NEDD4L: variants seen among roughly 807,000 people sequenced by gnomAD.
The protein encoded by NEDD4L is NEDD4 like E3 ubiquitin protein ligase, also known as E3 ubiquitin-protein ligase NEDD4-like.
NEDD4L carries 54 observed loss-of-function variants against 148.9 expected under a neutral mutation model. The ratio of observed to expected loss-of-function variants is 0.36; its 90% CI spans 0.29 to 0.45. The LOEUF (loss-of-function observed/expected upper bound fraction) is 0.45, where lower values mean the gene tolerates loss of function less well. Ranked by LOEUF, NEDD4L falls within the 20% of genes least tolerant of loss-of-function variation. NEDD4L has a pLI of 1.00. For missense variants in NEDD4L, 856 were observed against 1,233.8 expected (o/e 0.69, Z 4.59); for synonymous variants, 433 against 440.7 (o/e 0.98, Z 0.22).
Position 58,144,293 on chromosome 18 carries a change from C to A in NEDD4L, c.49-21495C>A, listed in dbSNP as rs539432228. 7.9e-5 allele frequency among the ~76,000 whole-genome samples: 12 copies of A among 152,158 alleles called. No homozygotes were observed. In the South Asian group the frequency reaches 2.5e-3, roughly 32 times the overall value. ...ATCTGCTCGGCTACTGGGGAGGCCT[C>A]AGGAAGCTTCTAATCATGGTGGAAG... On this transcript the variant is annotated intron_variant, in intron 1 of 30. Transcript: ENST00000400345.
chr18:58,159,561 T>C (rs952485203), intron 1 of NEDD4L, among the ~76,000 whole-genome samples: 2 of 152,122 alleles, frequency 1.3e-5, no homozygotes, highest in African/African-American at 4.8e-5. Context: ...AAGAGTAGTC[T>C]TAAAAATGCA....
At chr18:58,377,075 C>G (rs1459687082) in intron 24 of NEDD4L, among the ~76,000 whole-genome samples, 3 of 152,202 alleles carry the variant, frequency 2.0e-5, no homozygotes, top group Non-Finnish European at 2.9e-5. Flanking sequence ...GCCTGTCTCT[C>G]CTGCTCAGCT....
Position 58,122,495 on chromosome 18 carries a change from C to CTAAAATAAAA in NEDD4L, c.49-43275_49-43266dup, listed in dbSNP as rs544222112. Among the ~76,000 whole-genome samples the CTAAAATAAAA allele has an allele frequency of 3.5e-3, 539 of 151,860 alleles. 2 individuals carry two copies. Among genetic ancestry groups the CTAAAATAAAA allele is most frequent in the Admixed American group, 7.2e-3 (109 of 15,238 alleles). ...CTGGGCAACAAGAGCAAAATTCTGTCTAAAATAAAATAAAATAAAATAAAA... is the reference window on the plus strand; with the variant it reads ...CTGGGCAACAAGAGCAAAATTCTGTCTAAAATAAAATAAAATAAAATAAAATAAAATAAAA... On this transcript the variant is annotated intron_variant, in intron 1 of 30. Transcript: ENST00000400345.
Position 58,366,043 on chromosome 18 carries a change from C to T in NEDD4L, c.1878C>T (p.Asn626=). ...TTGAAATGAAACTTCACAGAAATAA[C>T]ATATTTGAAGAGTCCTATCGGAGAA... The part of the protein sequence containing the change: ...NRFEMKLHRN[N]IFEESYRRIM... Residue 626 remains asparagine (N), a synonymous_variant, in exon 21 of 31, where the codon AAC becomes AAT. Coordinates refer to ENST00000400345, the MANE Select transcript of NEDD4L (RefSeq NM_001144967.3). This position sits in a 1 kb window ranked among gnomAD's most constrained non-coding sequence, Gnocchi z 4.2. The T allele has an allele frequency of 6.2e-7, 1 of 1,612,640 alleles. No homozygotes were observed. Among genetic ancestry groups the T allele is most frequent in the Non-Finnish European group, 8.5e-7 (1 of 1,179,274 alleles).
intron 2 of NEDD4L, among the ~76,000 whole-genome samples, chr18:58,175,981 G>A (rs1271742487): frequency 6.6e-6 from 1 of 152,178 alleles, no homozygotes; most frequent in Non-Finnish European, 1.5e-5. Flanking sequence ...TCCATCCTGC[G>A]GGAGGCTTGC....
chr18:58,345,083 G>A (rs1328367105), intron 16 of NEDD4L, among the ~76,000 whole-genome samples: 5 of 152,076 alleles, frequency 3.3e-5, no homozygotes, highest in Non-Finnish European at 4.4e-5. Flanking sequence ...TTCCAGTTGC[G>A]CCTGTTTACC....
At chr18:58,211,763 A>G (rs999489422) in intron 2 of NEDD4L, among the ~76,000 whole-genome samples, 5 of 152,232 alleles carry the variant, frequency 3.3e-5, no homozygotes, top group African/African-American at 9.6e-5. Context: ...TTCGTGATCA[A>G]AGCAATGTGG....
At chr18:58,104,127 A>G (rs1317413836) in intron 1 of NEDD4L, among the ~76,000 whole-genome samples, 6 of 152,226 alleles carry the variant, frequency 3.9e-5, no homozygotes, top group Non-Finnish European at 5.9e-5. Flanking sequence ...TGGAATATTG[A>G]TTTAAAAAGG....
intron 1 of NEDD4L, among the ~76,000 whole-genome samples, chr18:58,048,602 C>T (rs1420399277): frequency 6.6e-6 from 1 of 152,216 alleles, no homozygotes; most frequent in African/African-American, 2.4e-5. Flanking sequence ...AAAGGTCTTA[C>T]TATCTAGATT....
intron 4 of NEDD4L, among the ~76,000 whole-genome samples, chr18:58,249,824 C>T (rs1034955468): frequency 1.3e-5 from 2 of 152,208 alleles, no homozygotes; most frequent in Non-Finnish European, 2.9e-5. Flanking sequence ...ATCTGCTTTC[C>T]ATTATGCTCA....
chr18:58,270,709 T>G (rs971798638), intron 5 of NEDD4L, among the ~76,000 whole-genome samples: 4 of 152,158 alleles, frequency 2.6e-5, no homozygotes, highest in Non-Finnish European at 5.9e-5. Context: ...TGCTGCTTAT[T>G]GTTTCTTTCT....
intron 1 of NEDD4L, among the ~76,000 whole-genome samples, chr18:58,062,853 T>G (rs2082393600): frequency 6.6e-6 from 1 of 152,064 alleles, no homozygotes; most frequent in South Asian, 2.1e-4. Flanking sequence ...CCGGGCCTTG[T>G]GACAGGCGCC....
At chr18:58,387,078 C>T (rs980350763) in intron 26 of NEDD4L, among the ~76,000 whole-genome samples, 1 of 152,176 alleles carries the variant, frequency 6.6e-6, no homozygotes, top group Non-Finnish European at 1.5e-5. Context: ...GCCTCCAGCA[C>T]GTTATTTTTA....
intron 5 of NEDD4L, among the ~76,000 whole-genome samples, chr18:58,297,105 A>C (rs945537202): frequency 4.6e-5 from 7 of 152,104 alleles, no homozygotes; most frequent in African/African-American, 1.7e-4. Context: ...TAAATAAATA[A>C]AAATAAACAA....
At chr18:58,341,401 A>G (rs1023285316) in intron 14 of NEDD4L, among the ~76,000 whole-genome samples, 1 of 152,230 alleles carries the variant, frequency 6.6e-6, no homozygotes, top group Admixed American at 6.5e-5. Flanking sequence ...AGATATTTTC[A>G]AAGTAAGAGC....
In NEDD4L at chr18:58,343,052, G is replaced by A. The variant is rs757234404; in HGVS notation, c.1524G>A (p.Ala508=). The change falls in exon 16 of 31, where the codon GCG becomes GCA. Residue 508 remains alanine (A), a synonymous_variant. Coordinates refer to ENST00000400345, the MANE Select transcript of NEDD4L (RefSeq NM_001144967.3). ...CACCCGGCTGGGAAATGAGGATAGC[G>A]CCAAACGGCCGGCCCTTCTTCATTG... ...FLPPGWEMRI[A]PNGRPFFIDH... is the part of the protein sequence containing the mutation. 1.9e-5 allele frequency: 30 copies of A among 1,612,620 alleles called. No homozygotes were observed. Among genetic ancestry groups the A allele is most frequent in the South Asian group, 1.2e-4 (11 of 90,732 alleles).
chr18:58,223,416 T>C lies in NEDD4L; in HGVS notation c.123-22011T>C, dbSNP rs764061853. On this transcript the variant is annotated intron_variant, in intron 2 of 30. Coordinates refer to ENST00000400345, the MANE Select transcript of NEDD4L (RefSeq NM_001144967.3). ...TGAGTGTAGAAGTTTTATTCCAAAG[T>C]GGTTTGTTTGGTGGATGTGGTGATG... 5.6e-4 allele frequency among the ~76,000 whole-genome samples: 85 copies of C among 152,048 alleles called. 2 individuals carry two copies. The highest frequency in any genetic ancestry group is 2.1e-4 in the Non-Finnish European group (14 of 68,008).
rs377143286 is a variant in NEDD4L at position 58,367,775 on chromosome 18, A to G, written c.2093A>G (p.Asn698Ser). 1.9e-5 allele frequency: 30 copies of G among 1,613,840 alleles called. No individual in the cohort carries two copies. Among genetic ancestry groups the G allele is most frequent in the African/African-American group, 2.7e-5 (2 of 74,942 alleles). ...TDNYTLQINP[N>S]SGLCNEDHLS... ...AACTACACCCTTCAGATCAACCCTA[A>G]TTCAGGCCTCTGTAATGAGGATCAT... The change falls in exon 22 of 31, where the codon AAT becomes AGT. Residue 698 changes from asparagine (N) to serine (S), a missense_variant. Physicochemically the swap from Asn to Ser is conservative, Grantham distance 46 (BLOSUM62 1). Around this residue, in one of 4 missense-constraint regions of NEDD4L, gnomAD observed 286 missense variants for 531.8 expected, o/e 0.54. Transcript: ENST00000400345.
intron 2 of NEDD4L, among the ~76,000 whole-genome samples, chr18:58,213,352 A>G (rs1025728920): frequency 3.3e-5 from 5 of 152,246 alleles, no homozygotes; most frequent in Admixed American, 2.6e-4. Context: ...AAAACGGCCA[A>G]TTTATGGACT....
Sources: allele counts gnomAD v4.1 joint callset (sites outside exome capture counted in the v4.1 genomes callset), GRCh38; gene constraint gnomAD v4.1.1; regional missense constraint gnomAD v4.1.1; non-coding constraint Gnocchi (gnomAD v3.1); transcripts MANE v1.5; gene names NCBI Gene and HGNC (gene_info 2026-07-23, HGNC 2026-07-21).